MGAT4C: variants seen among roughly 807,000 people sequenced by gnomAD.
MGAT4C encodes alpha-1,3-mannosyl-glycoprotein 4-beta-N-acetylglucosaminyltransferase C.
In MGAT4C, 19 loss-of-function variants were observed where a neutral mutation model predicts 40.1. The observed-to-expected ratio is 0.47, with a 90% CI of 0.33 to 0.70. The LOEUF is 0.70. Among genes scored for constraint, MGAT4C ranks in the 30% least tolerant of loss-of-function variants. The pLI is 0.02. For missense variants in MGAT4C, 491 were observed against 563.2 expected (o/e 0.87, Z 1.30); for synonymous variants, 181 against 187.1 (o/e 0.97, Z 0.27).
At chr12:86,356,295 A>C (rs1025669858) in intron 3 of MGAT4C, among the ~76,000 whole-genome samples, 1 of 152,326 alleles carries the variant, frequency 6.6e-6, no homozygotes, top group South Asian at 2.1e-4. Flanking sequence ...AAAACAGTAA[A>C]TTTAATCTAA....
intron 4 of MGAT4C, among the ~76,000 whole-genome samples, chr12:85,981,377 T>C (rs1215681051): frequency 6.6e-6 from 1 of 152,178 alleles, no homozygotes; most frequent in Admixed American, 6.5e-5. Flanking sequence ...GGGAAATCTA[T>C]ATACAACAAG....
intron 1 of MGAT4C, among the ~76,000 whole-genome samples, chr12:86,803,324 C>A (rs1952270991): frequency 6.6e-6 from 1 of 151,348 alleles, no homozygotes; most frequent in African/African-American, 2.4e-5. Context: ...AGAAGAAAAC[C>A]TAGGCATTAC....
At chr12:86,216,428 C>A (rs1373917861) in intron 1 of MGAT4C, among the ~76,000 whole-genome samples, 5 of 152,174 alleles carry the variant, frequency 3.3e-5, no homozygotes, top group Admixed American at 3.3e-4. Context: ...ATGTAGCCAT[C>A]TGGGCAGAAA....
intron 4 of MGAT4C, among the ~76,000 whole-genome samples, chr12:86,288,701 C>T (rs911065867): frequency 1.3e-5 from 2 of 152,082 alleles, no homozygotes; most frequent in African/African-American, 4.8e-5. Flanking sequence ...TTGTTGACCA[C>T]ATGTAAGTCT....
At chr12:86,511,940 T>A (rs994171828) in intron 2 of MGAT4C, among the ~76,000 whole-genome samples, 1 of 152,038 alleles carries the variant, frequency 6.6e-6, no homozygotes, top group Admixed American at 6.6e-5. Context: ...AGGAAACAAT[T>A]AATAGATTGA....
chr12:86,109,644 T>C (rs568295043), intron 1 of MGAT4C, among the ~76,000 whole-genome samples: 69 of 152,186 alleles, frequency 4.5e-4, no homozygotes, highest in African/African-American at 1.6e-3. Context: ...ATATTTATGG[T>C]ATAATCCTAG....
chr12:86,296,338 C>T (rs1161340714), intron 4 of MGAT4C, among the ~76,000 whole-genome samples: 2 of 123,482 alleles, frequency 1.6e-5, no homozygotes, highest in Non-Finnish European at 3.6e-5. Context: ...CAGCTGGCTT[C>T]ACCTAGTGGA....
intron 3 of MGAT4C, among the ~76,000 whole-genome samples, chr12:86,340,596 G>A (rs936603064): frequency 1.3e-5 from 2 of 152,050 alleles, no homozygotes; most frequent in Admixed American, 6.6e-5. Flanking sequence ...TCACTTTTCA[G>A]ATAAAAGCTT....
chr12:86,687,538 C>T (rs1950094670), intron 2 of MGAT4C, among the ~76,000 whole-genome samples: 1 of 152,132 alleles, frequency 6.6e-6, no homozygotes, highest in Non-Finnish European at 1.5e-5. Context: ...TATGTTGTGT[C>T]TTTGTTCTCA....
chr12:86,724,798 T>A (rs1950794973), intron 2 of MGAT4C, among the ~76,000 whole-genome samples: 1 of 152,206 alleles, frequency 6.6e-6, no homozygotes, highest in Admixed American at 6.5e-5. Context: ...TTTCATCCTT[T>A]GACTAACATT....
At chr12:86,801,135 T>C (rs1181291351) in intron 1 of MGAT4C, among the ~76,000 whole-genome samples, 2 of 151,800 alleles carry the variant, frequency 1.3e-5, no homozygotes, top group African/African-American at 4.8e-5. Context: ...AGGCATTTGA[T>C]TTAAAATTAG....
At chr12:86,812,937 G>C (rs1566007740) in intron 1 of MGAT4C, among the ~76,000 whole-genome samples, 1 of 151,964 alleles carries the variant, frequency 6.6e-6, no homozygotes, top group African/African-American at 2.4e-5. Flanking sequence ...GATATCAGAG[G>C]GTATTCATTT....
Position 86,444,309 on chromosome 12 carries a change from G to A in MGAT4C, c.-228-9044C>T, listed in dbSNP as rs536858276. Among the ~76,000 whole-genome samples the A allele has an allele frequency of 1.2e-4, 18 of 152,040 alleles. No individual in the cohort carries two copies. The South Asian group carries it at 3.5e-3, about 30-fold the overall frequency. On this transcript the variant is annotated intron_variant, in intron 2 of 7. Coordinates refer to the MGAT4C transcript ENST00000548651. ...CCTTTCAATCCCAGGCTCATTTGCC[G>A]GCTTCTTTTCCTCTGAATAATATGT...
chr12:86,723,437 C>G (rs1356648835), intron 2 of MGAT4C, among the ~76,000 whole-genome samples: 1 of 152,142 alleles, frequency 6.6e-6, no homozygotes, highest in Non-Finnish European at 1.5e-5. Context: ...TTGAAGGTTC[C>G]AGGAAAGGAT....
intron 2 of MGAT4C, among the ~76,000 whole-genome samples, chr12:86,526,042 A>G (rs1424936008): frequency 6.6e-6 from 1 of 152,192 alleles, no homozygotes; most frequent in African/African-American, 2.4e-5. Context: ...TGGTGGATAC[A>G]ATAAATGTGG....
exon 1 of MGAT4C, chr12:86,838,729 T>C (rs541864465): frequency 1.3e-5 from 2 of 152,308 alleles, no homozygotes; most frequent in East Asian, 1.9e-4. Flanking sequence ...CTCTGATCTA[T>C]TGCCCGCAAA....
intron 2 of MGAT4C, among the ~76,000 whole-genome samples, chr12:86,632,486 G>T (rs969265270): frequency 2.0e-5 from 3 of 149,766 alleles, no homozygotes; most frequent in Non-Finnish European, 4.5e-5. Flanking sequence ...ATTCACAATA[G>T]CAAAGACTTG....
At chr12:86,375,379 A>T (rs1955804870) in intron 3 of MGAT4C, among the ~76,000 whole-genome samples, 1 of 152,140 alleles carries the variant, frequency 6.6e-6, no homozygotes, top group Admixed American at 6.5e-5. Flanking sequence ...TCATCTCAAA[A>T]ATATAAAAAT....
intron 3 of MGAT4C, among the ~76,000 whole-genome samples, chr12:86,407,915 A>T (rs1166342459): frequency 6.6e-6 from 1 of 152,114 alleles, no homozygotes. Context: ...CAGATATCCA[A>T]TAGTCACAAG....
Sources: allele counts gnomAD v4.1 joint callset (sites outside exome capture counted in the v4.1 genomes callset), GRCh38; gene constraint gnomAD v4.1.1; transcripts MANE v1.5; gene names NCBI Gene and HGNC (gene_info 2026-07-23, HGNC 2026-07-21).